The following MYBPHL variants were observed in gnomAD, a reference collection of about 807,000 sequenced individuals.
MYBPHL encodes myosin-binding protein H-like.
Under a neutral mutation model 39.5 loss-of-function variants are expected in MYBPHL, and 32 were observed. The observed-to-expected ratio is 0.81, with a 90% CI of 0.61 to 1.09. MYBPHL has a LOEUF of 1.09. MYBPHL is among the 50% of genes least tolerant of loss of function. The pLI is 0.00. For synonymous variants in MYBPHL, 196 were observed against 183.7 expected, an observed-to-expected ratio of 1.07 and a Z score of -0.54; for missense variants, 456 against 460.2, an observed-to-expected ratio of 0.99 and a Z score of 0.08.
intron 7 of MYBPHL, 32 bp downstream of exon 7, chr1:109,295,079 C>T: frequency 1.2e-6 from 2 of 1,606,342 alleles, no homozygotes; most frequent in Non-Finnish European, 8.5e-7. Context: ...GTGACTGGCA[C>T]CCTAAGGCAC....
intron 8 of MYBPHL, among the ~76,000 whole-genome samples, chr1:109,293,718 C>A (rs1397306809): frequency 6.7e-6 from 1 of 148,394 alleles, no homozygotes; most frequent in African/African-American, 2.5e-5. Flanking sequence ...CCGGCCTGGG[C>A]GACAAAGCGA....
intron 1 of MYBPHL, among the ~76,000 whole-genome samples, chr1:109,305,165 A>C (rs1387444876): frequency 6.6e-6 from 1 of 152,212 alleles, no homozygotes; most frequent in East Asian, 1.9e-4. Context: ...GTCCATATCC[A>C]CCAAAAGGTT....
chr1:109,296,511 T>G, intron 5 of MYBPHL, 141 bp from the exon 6 acceptor site: 7 of 1,118,562 alleles, frequency 6.3e-6, no homozygotes, highest in Non-Finnish European at 7.6e-6. Flanking sequence ...CGATCTCAGC[T>G]CACTGCAACC....
Position 109,296,947 on chromosome 1 carries a change from G to C in MYBPHL, c.571-5C>G. The C allele has an allele frequency of 3.1e-6, 5 of 1,614,078 alleles. No homozygotes were observed. Among genetic ancestry groups the C allele is most frequent in the Non-Finnish European group, 4.2e-6 (5 of 1,179,980 alleles). ...CTCCAGCACCGTGAACCACAGCTGC[G>C]GGGCCGAACATGATGCCAGAAATCA... On this transcript the variant is annotated splice_polypyrimidine_tract_variant and splice_region_variant and intron_variant, in intron 4 of 8. Transcript: ENST00000357155.
In MYBPHL at chr1:109,304,081, C is replaced by T. The variant is rs552994953; in HGVS notation, c.145+2766G>A. Among the ~76,000 whole-genome samples the T allele has an allele frequency of 3.3e-5, 5 of 152,298 alleles. No individual in the cohort carries two copies. In the South Asian group the frequency reaches 1.0e-3, roughly 32 times the overall value. On this transcript the variant is annotated intron_variant, in intron 1 of 8. Transcript: ENST00000357155. ...CTTCCTACCCGAAGCACGTTCTATC[C>T]CCGTCCCTGCATTAGTTTTGGCACA...
chr1:109,299,853 GA>G (rs1474353542), intron 1 of MYBPHL, among the ~76,000 whole-genome samples: 2 of 152,238 alleles, frequency 1.3e-5, no homozygotes, highest in African/African-American at 2.4e-5. Flanking sequence ...GGTGGCTTGG[GA>G]GGGGCGGGAC....
chr1:109,295,397 T>C, intron 6 of MYBPHL, 100 bp from the exon 7 acceptor site: 1 of 1,111,850 alleles, frequency 9.0e-7, no homozygotes, highest in Non-Finnish European at 1.3e-6. Flanking sequence ...ATAGAGATAA[T>C]GGCTTTCTGG....
At position 109,298,017 on chromosome 1, in the gene MYBPHL, G is replaced by A. The variant is rs534308419; in HGVS notation, c.234+152C>T. The A allele has an allele frequency of 1.9e-3, 1,267 of 650,728 alleles. 23 individuals are homozygous for A. In the South Asian group the frequency reaches 0.021, roughly 11 times the overall value. The allele number at this position is 650,728 out of a possible 1,614,324, so 40.3% of individuals were successfully genotyped here. A position where few individuals can be genotyped will look rare whatever the true frequency, so the allele number is the denominator to read the frequency against. ...CAAACCCACCTTCAGGAGTGCAGAG[G>A]TCATTTGGCCTCAGACTTCTGGTGG... On this transcript the variant is annotated intron_variant, in intron 2 of 8. Transcript: ENST00000357155.
intron 2 of MYBPHL, 65 bp from the exon 3 acceptor site, chr1:109,297,682 G>A (rs1370176519): frequency 6.8e-7 from 1 of 1,463,900 alleles, no homozygotes; most frequent in Non-Finnish European, 9.3e-7. Context: ...TGCTGCTGTA[G>A]GGGTCCTGTC....
At chr1:109,300,434 G>A (rs1159215694) in intron 1 of MYBPHL, among the ~76,000 whole-genome samples, 2 of 152,230 alleles carry the variant, frequency 1.3e-5, no homozygotes, top group Non-Finnish European at 2.9e-5. Flanking sequence ...ACTGCAAAGG[G>A]TTGAGGTGGG....
At position 109,296,239 on chromosome 1, in the gene MYBPHL, G is replaced by T; in HGVS notation, c.862C>A (p.Pro288Thr). The T allele has an allele frequency of 2.5e-6, 4 of 1,613,452 alleles. No homozygotes were observed. Among genetic ancestry groups the T allele is most frequent in the Non-Finnish European group, 3.4e-6 (4 of 1,179,948 alleles). ...CCCCCAGAGCCCCCACTCACCCGGG[G>T]AGAGGCGCGGACACAGCAGAAGAGC... is the stretch of plus-strand genomic sequence containing the variant. ...TQLFCCVRAS[P>T]RPKIIWLKNK... The change falls in exon 6 of 9, where the codon CCC (proline) becomes ACC (threonine). Residue 288 changes from proline (P) to threonine (T), a missense_variant. By Grantham distance (38) the Pro-to-Thr change is conservative. Coordinates refer to ENST00000357155, the MANE Select transcript of MYBPHL (RefSeq NM_001010985.3).
At position 109,296,304 on chromosome 1, in the gene MYBPHL, G is replaced by A; in HGVS notation, c.797C>T (p.Pro266Leu). The A allele has an allele frequency of 6.2e-7, 1 of 1,614,180 alleles. No homozygotes were observed. Among genetic ancestry groups the A allele is most frequent in the South Asian group, 1.1e-5 (1 of 91,082 alleles). The change falls in exon 6 of 9, where the codon CCT becomes CTT. Residue 266 changes from proline to leucine, a missense_variant. Physicochemically the swap from Pro to Leu is moderately conservative, Grantham distance 98. Coordinates refer to ENST00000357155, the MANE Select transcript of MYBPHL (RefSeq NM_001010985.3). ...GGTGACTGTAGTGCAGTCGGCCAGA[G>A]GCTGGGTAAACTTTGGGGCTTCAGA... is the stretch of plus-strand genomic sequence containing the variant. ...DFSEAPKFTQ[P>L]LADCTTVTGY...
chr1:109,297,095 T>C lies in MYBPHL; in HGVS notation c.525A>G (p.Thr175=), dbSNP rs1293232933. 6.2e-7 allele frequency: 1 copy of C among 1,614,206 alleles called. No individual in the cohort carries two copies. Among genetic ancestry groups the C allele is most frequent in the South Asian group, 1.1e-5 (1 of 91,088 alleles). The change falls in exon 4 of 9, where the codon ACA becomes ACG. Residue 175 remains threonine, a synonymous_variant. Transcript: ENST00000357155. ...TCTGCACCGTGTATCCCAGAAGTGC[T>C]GTATTCCCCGTATCTTGGGGCGGTG... ...EWTPPQDTGN[T]ALLGYTVQKA... is the part of the protein sequence containing the mutation.
At position 109,296,882 on chromosome 1, in the gene MYBPHL, T is replaced by C. The variant is rs1489506872; in HGVS notation, c.631A>G (p.Ile211Val). The change falls in exon 5 of 9, where the codon ATC becomes GTC. Residue 211 changes from isoleucine (I) to valine (V), a missense_variant. Ile to Val is a conservative substitution (Grantham distance 29). Transcript: ENST00000357155. Reference sequence around the variant, plus strand: ...ACACGGAAGGCATAGGAGTTGCCGATGATGAGGTCAGAGACGATGCAGCTG... The same window carrying C: ...ACACGGAAGGCATAGGAGTTGCCGACGATGAGGTCAGAGACGATGCAGCTG... ...RTSCIVSDLI[I>V]GNSYAFRVFA... 20 of 1,614,006 alleles carry C rather than the reference T, an allele frequency of 1.2e-5. No individual in the cohort carries two copies. The African/African-American group carries it at 1.5e-4, about 12-fold the overall frequency.
chr1:109,301,135 C>T (rs1296081684), intron 1 of MYBPHL, among the ~76,000 whole-genome samples: 3 of 152,218 alleles, frequency 2.0e-5, no homozygotes, highest in East Asian at 1.9e-4. Context: ...CATCTCTTTT[C>T]ACACATCCGC....
chr1:109,298,338 G>T, intron 1 of MYBPHL, 81 bp from the exon 2 acceptor site: 1 of 1,279,270 alleles, frequency 7.8e-7, no homozygotes, highest in Non-Finnish European at 1.1e-6. Flanking sequence ...CTGTGGGTGA[G>T]TGGCCCAGGA....
chr1:109,295,099 T>C lies in MYBPHL; in HGVS notation c.1054+12A>G. On this transcript the variant is annotated intron_variant, in intron 7 of 8. Transcript: ENST00000357155. ...TGGCACCCTAAGGCACTAGTTCTCCTCTTGCCCTTACCTTTCACATCCACC... is the reference window on the plus strand; with the variant it reads ...TGGCACCCTAAGGCACTAGTTCTCCCCTTGCCCTTACCTTTCACATCCACC... 6.2e-7 allele frequency: 1 copy of C among 1,612,308 alleles called. No homozygotes were observed. The highest frequency in any genetic ancestry group is 8.5e-7 in the Non-Finnish European group (1 of 1,179,734).
intron 4 of MYBPHL, 33 bp downstream of exon 4, chr1:109,297,017 C>T (rs767600761): frequency 3.7e-6 from 6 of 1,614,124 alleles, no homozygotes; most frequent in Non-Finnish European, 3.4e-6. Context: ...AACATGCCCT[C>T]TTCCACCCTC....
At chr1:109,306,813 G>T in intron 1 of MYBPHL, 34 bp downstream of exon 1, 3 of 1,363,924 alleles carry the variant, frequency 2.2e-6, no homozygotes, top group African/African-American at 1.5e-5. Context: ...CCCACCACCC[G>T]GCCTCCCCAC....
Sources: gnomAD v4.1 joint callset for allele counts (sites outside exome capture counted in the v4.1 genomes callset) on GRCh38, gnomAD v4.1.1 for gene constraint, MANE v1.5 for transcripts, NCBI Gene and HGNC (gene_info 2026-07-23, HGNC 2026-07-21) for gene names.